Variants in ANKRD33B observed in about 807,000 individuals in gnomAD.
ANKRD33B encodes the protein ankyrin repeat domain 33B, also known as ankyrin repeat domain-containing protein 33B.
A neutral mutation model predicts 21.5 loss-of-function variants in ANKRD33B; 6 were observed. The observed-to-expected ratio is 0.28, with a 90% CI of 0.15 to 0.55. ANKRD33B has a LOEUF of 0.55. ANKRD33B is among the 20% of genes least tolerant of loss of function. The probability of loss-of-function intolerance (pLI) is 0.94; values close to 1 mark genes in which losing one functional copy is unlikely to be tolerated. For synonymous variants in ANKRD33B, 347 were observed against 342.4 expected, an observed-to-expected ratio of 1.01 and a Z score of -0.15; for missense variants, 698 against 747.2, an observed-to-expected ratio of 0.93 and a Z score of 0.77.
chr5:10,641,225 C>CTTCTTCTTCTTTTTTT (rs1553995125), intron 3 of ANKRD33B, among the ~76,000 whole-genome samples: 11 of 77,446 alleles, frequency 1.4e-4, no homozygotes, highest in South Asian at 5.0e-4. Flanking sequence ...TCTTCTTCTT[C>CTTCTTCTTCTTTTTTT]TTTTTTTTTT....
At chr5:10,637,893 C>T (rs1736909446) in intron 2 of ANKRD33B, 135 bp from the exon 3 acceptor site, 6 of 1,014,098 alleles carry the variant, frequency 5.9e-6, no homozygotes, top group East Asian at 5.3e-5. Flanking sequence ...TCTTGGGGTC[C>T]GAGAAAAACT....
chr5:10,621,916 A>G (rs1338241849), intron 2 of ANKRD33B, among the ~76,000 whole-genome samples: 2 of 152,322 alleles, frequency 1.3e-5, no homozygotes, highest in Non-Finnish European at 2.9e-5. Context: ...TAGGGCCACC[A>G]TGATGGGATT....
At chr5:10,636,313 A>C (rs1444591027) in intron 2 of ANKRD33B, among the ~76,000 whole-genome samples, 1 of 152,222 alleles carries the variant, frequency 6.6e-6, no homozygotes, top group African/African-American at 2.4e-5. Flanking sequence ...TCATCGGTGC[A>C]TAAGAATGGG....
intron 1 of ANKRD33B, among the ~76,000 whole-genome samples, chr5:10,612,088 T>A (rs535139092): frequency 1.3e-5 from 2 of 152,248 alleles, no homozygotes; most frequent in East Asian, 1.9e-4. Flanking sequence ...TTCTATGATA[T>A]GTTGAAGCAA....
At chr5:10,634,107 A>G (rs955776641) in intron 2 of ANKRD33B, among the ~76,000 whole-genome samples, 15 of 152,244 alleles carry the variant, frequency 9.9e-5, no homozygotes, top group African/African-American at 3.1e-4. Context: ...AATTTTCACA[A>G]ATGGGAGGTT....
intron 1 of ANKRD33B, among the ~76,000 whole-genome samples, chr5:10,597,129 A>G (rs1456338581): frequency 6.6e-6 from 1 of 152,200 alleles, no homozygotes; most frequent in African/African-American, 2.4e-5. Flanking sequence ...AGGCAACAAC[A>G]TAAACAACTC....
At chr5:10,617,626 G>A (rs1371447829) in intron 1 of ANKRD33B, among the ~76,000 whole-genome samples, 1 of 151,636 alleles carries the variant, frequency 6.6e-6, no homozygotes, top group Non-Finnish European at 1.5e-5. Context: ...AGCAGCCAGA[G>A]TGGATGCAGA....
Position 10,591,194 on chromosome 5 carries a change from G to GTTTTTTTTTTTTTTTTTTTTTTTTTTT in ANKRD33B, c.366+26361_366+26362insTTTTTTTTTTTTTTTTTTTTTTTTTTT, listed in dbSNP as rs749837253. On this transcript the variant is annotated intron_variant, in intron 1 of 3. Coordinates refer to ENST00000296657, the MANE Select transcript of ANKRD33B (RefSeq NM_001164440.2). ...AATAGTCATCTACATTTTTTTTAGT[G>GTTTTTTTTTTTTTTTTTTTTTTTTTTT]GTTTTTTTTTTTTTTTGAGATGGAG... 7.1e-5 allele frequency among the ~76,000 whole-genome samples: 8 copies of GTTTTTTTTTTTTTTTTTTTTTTTTTTT among 113,456 alleles called. 3 individuals carry two copies. Among genetic ancestry groups the GTTTTTTTTTTTTTTTTTTTTTTTTTTT allele is most frequent in the Non-Finnish European group, 1.2e-4 (7 of 56,950 alleles). The allele number at this position is 113,456 out of a possible 152,430, so 74.4% of individuals were successfully genotyped here.
chr5:10,613,018 T>G (rs1736203646), intron 1 of ANKRD33B, among the ~76,000 whole-genome samples: 1 of 152,182 alleles, frequency 6.6e-6, no homozygotes, highest in African/African-American at 2.4e-5. Context: ...GAATTTTTTC[T>G]CACACTCGAG....
intron 2 of ANKRD33B, among the ~76,000 whole-genome samples, chr5:10,633,038 T>C (rs1187511166): frequency 2.6e-5 from 4 of 151,136 alleles, no homozygotes; most frequent in African/African-American, 9.8e-5. Context: ...TCCACCCCCC[T>C]CAGCCTCCCA....
chr5:10,611,833 G>T (rs1280862682), intron 1 of ANKRD33B, among the ~76,000 whole-genome samples: 1 of 152,224 alleles, frequency 6.6e-6, no homozygotes, highest in East Asian at 1.9e-4. Context: ...AAGGAAGTTT[G>T]CTGCCTGGTT....
At chr5:10,564,868 C>A in intron 1 of ANKRD33B, 35 bp downstream of exon 1, 1 of 1,467,286 alleles carries the variant, frequency 6.8e-7, no homozygotes, top group South Asian at 1.3e-5. Flanking sequence ...TGAGCCCCCT[C>A]ACTGCCCCCA....
chr5:10,631,870 C>T (rs1165229506), intron 2 of ANKRD33B, among the ~76,000 whole-genome samples: 1 of 152,184 alleles, frequency 6.6e-6, no homozygotes, highest in East Asian at 1.9e-4. Context: ...AAAGCCATGG[C>T]CAGTGTCTCT....
chr5:10,641,928 G>GAAC (rs1737072407), intron 3 of ANKRD33B, among the ~76,000 whole-genome samples: 5 of 152,200 alleles, frequency 3.3e-5, no homozygotes, highest in African/African-American at 7.2e-5. Context: ...CCTCATCAAT[G>GAAC]AGAAATGGTT....
Position 10,619,334 on chromosome 5 carries a change from C to T in ANKRD33B, c.496+872C>T, listed in dbSNP as rs1320588927. 5 of 985,282 alleles carry T rather than the reference C, an allele frequency of 5.1e-6. No individual in the cohort carries two copies. The highest frequency in any genetic ancestry group is 6.0e-6 in the Non-Finnish European group (5 of 829,936). 61.0% of individuals were successfully genotyped at this position (985,282 alleles called of 1,614,324 possible). A position where few individuals can be genotyped will look rare whatever the true frequency, so the allele number is the denominator to read the frequency against. On this transcript the variant is annotated intron_variant, in intron 2 of 3. Coordinates refer to ENST00000296657, the MANE Select transcript of ANKRD33B (RefSeq NM_001164440.2). The surrounding 1 kb of genome is among the most constrained non-coding windows in gnomAD (Gnocchi z 4.5). ...ACACGGTTGTCGGGTTGTTGAGAATCCCACTCAGGGCCTGGAAACTGGAGG... is the reference window on the plus strand; with the variant it reads ...ACACGGTTGTCGGGTTGTTGAGAATTCCACTCAGGGCCTGGAAACTGGAGG...
chr5:10,624,120 TCTTTC>T, intron 2 of ANKRD33B, among the ~76,000 whole-genome samples: 1 of 151,034 alleles, frequency 6.6e-6, no homozygotes, highest in South Asian at 2.1e-4. Flanking sequence ...TTTCGTTCTT[TCTTTC>T]TTTTCTTTTT....
chr5:10,652,776 G>T lies in ANKRD33B; in HGVS notation c.*2663G>T. On this transcript the variant is annotated 3_prime_UTR_variant, in exon 4 of 4. Transcript: ENST00000296657. This position sits in a 1 kb window ranked among gnomAD's most constrained non-coding sequence, Gnocchi z 4.1. ...CCCGATGTGTTCCAGCCTCATCCAG[G>T]TGCACAGGATACTCTGGGGCCAGCA... 3.8e-6 allele frequency: 1 copy of T among 262,640 alleles called. No individual in the cohort carries two copies. The allele number at this position is 262,640 out of a possible 1,614,324, so 16.3% of individuals were successfully genotyped here.
intron 2 of ANKRD33B, among the ~76,000 whole-genome samples, chr5:10,628,462 G>A (rs889570089): frequency 2.0e-5 from 3 of 152,030 alleles, no homozygotes; most frequent in Admixed American, 6.6e-5. Flanking sequence ...GATTACAGGC[G>A]TGAACCATTG....
intron 1 of ANKRD33B, among the ~76,000 whole-genome samples, chr5:10,591,408 C>T (rs373340512): frequency 6.6e-6 from 1 of 151,998 alleles, no homozygotes; most frequent in African/African-American, 2.4e-5. Flanking sequence ...ATTGGCCAGG[C>T]TAGTCTCGAA....
Sources: gnomAD v4.1 joint callset for allele counts (sites outside exome capture counted in the v4.1 genomes callset) on GRCh38, gnomAD v4.1.1 for gene constraint, Gnocchi (gnomAD v3.1) non-coding constraint, MANE v1.5 for transcripts, NCBI Gene and HGNC (gene_info 2026-07-23, HGNC 2026-07-21) for gene names.